DCUN1D1: variants seen among roughly 807,000 people sequenced by gnomAD.
The protein encoded by DCUN1D1 is DCN1-like protein 1.
Under a neutral mutation model 39.0 loss-of-function variants are expected in DCUN1D1, and 3 were observed. That is an observed-to-expected ratio of 0.08 (90% CI 0.04 to 0.20). DCUN1D1 has a LOEUF of 0.20. Ranked by LOEUF, DCUN1D1 falls within the 10% of genes least tolerant of loss-of-function variation. DCUN1D1 has a pLI of 1.00. For missense variants in DCUN1D1, 158 were observed against 302.4 expected (o/e 0.52, Z 3.54); for synonymous variants, 82 against 96.3 (o/e 0.85, Z 0.87).
chr3:182,974,774 A>AC (rs1242182281), intron 1 of DCUN1D1, among the ~76,000 whole-genome samples: 2 of 151,810 alleles, frequency 1.3e-5, no homozygotes, highest in South Asian at 2.1e-4. Flanking sequence ...AAAAAAAAAA[A>AC]AACTAAATCC....
At chr3:182,962,119 G>T (rs1477177655) in intron 3 of DCUN1D1, among the ~76,000 whole-genome samples, 1 of 152,056 alleles carries the variant, frequency 6.6e-6, no homozygotes, top group Non-Finnish European at 1.5e-5. Flanking sequence ...TGATTTGAAA[G>T]TTCATTACAT....
At position 182,939,810 on chromosome 3, in the gene DCUN1D1, A is replaced by G; in HGVS notation, c.*5284T>C. 6.6e-6 allele frequency: 1 copy of G among 152,292 alleles called. No homozygotes were observed. The highest frequency in any genetic ancestry group is 2.1e-4 in the South Asian group (1 of 4,822). The allele number at this position is 152,292 out of a possible 1,614,324, so 9.4% of individuals were successfully genotyped here. Reference sequence around the variant, plus strand: ...AAAAACAATTAATTGTACATGTACAATGGGTGAATTTTACAGTGTGTAAAT... The same window carrying G: ...AAAAACAATTAATTGTACATGTACAGTGGGTGAATTTTACAGTGTGTAAAT... On this transcript the variant is annotated 3_prime_UTR_variant, in exon 7 of 7. Coordinates refer to ENST00000292782, the MANE Select transcript of DCUN1D1 (RefSeq NM_020640.4).
At chr3:182,976,290 C>T (rs527965929) in intron 1 of DCUN1D1, among the ~76,000 whole-genome samples, 3 of 151,982 alleles carry the variant, frequency 2.0e-5, no homozygotes, top group African/African-American at 7.2e-5. Context: ...CAAGGTATAT[C>T]GTACCACTCA....
chr3:182,963,154 T>C (rs1449371141), intron 3 of DCUN1D1, among the ~76,000 whole-genome samples: 10 of 152,212 alleles, frequency 6.6e-5, no homozygotes. Context: ...ATGACTCTAA[T>C]ACTACCTAAT....
intron 4 of DCUN1D1, among the ~76,000 whole-genome samples, chr3:182,948,576 T>C (rs1210815855): frequency 6.6e-6 from 1 of 152,186 alleles, no homozygotes; most frequent in Non-Finnish European, 1.5e-5. Flanking sequence ...ACCATAGCAG[T>C]TAAGAAAGTG....
At chr3:182,953,034 G>A (rs1170894178) in intron 4 of DCUN1D1, among the ~76,000 whole-genome samples, 1 of 152,174 alleles carries the variant, frequency 6.6e-6, no homozygotes, top group Non-Finnish European at 1.5e-5. Context: ...GAACTCACTT[G>A]CAGTTCCTCA....
chr3:182,953,793 C>T (rs1726876451), intron 4 of DCUN1D1, among the ~76,000 whole-genome samples: 1 of 152,112 alleles, frequency 6.6e-6, no homozygotes, highest in Non-Finnish European at 1.5e-5. Context: ...GTCCTAATAA[C>T]AAGCTATTGC....
rs377162459 is a variant in DCUN1D1 at position 182,951,647 on chromosome 3, C to A, written c.521-4015G>T. On this transcript the variant is annotated intron_variant, in intron 4 of 6. Transcript: ENST00000292782. Reference sequence around the variant, plus strand: ...AAAAAAAAAAAAAAAAAAAAAAAAACCACCACACACAAAAGAAAGAAAGTT... The same window carrying A: ...AAAAAAAAAAAAAAAAAAAAAAAAAACACCACACACAAAAGAAAGAAAGTT... Among the ~76,000 whole-genome samples the A allele has an allele frequency of 9.6e-3, 1,013 of 105,112 alleles. 23 individuals carry two copies. The highest frequency in any genetic ancestry group is 0.022 in the African/African-American group (623 of 28,632). 69.0% of individuals were successfully genotyped at this position (105,112 alleles called of 152,430 possible). A position where few individuals can be genotyped will look rare whatever the true frequency, so the allele number is the denominator to read the frequency against.
At chr3:182,965,011 G>A (rs914808691) in intron 2 of DCUN1D1, among the ~76,000 whole-genome samples, 2 of 152,072 alleles carry the variant, frequency 1.3e-5, no homozygotes, top group Non-Finnish European at 2.9e-5. Flanking sequence ...TTTGACTTTG[G>A]AGCACAAGTT....
At chr3:182,949,653 C>T (rs1726605490) in intron 4 of DCUN1D1, among the ~76,000 whole-genome samples, 1 of 149,858 alleles carries the variant, frequency 6.7e-6, no homozygotes, top group South Asian at 2.1e-4. Context: ...CCCAGGAGAT[C>T]AAGGCTGCAG....
intron 6 of DCUN1D1, 127 bp from the exon 7 acceptor site, chr3:182,945,300 C>T (rs1672147288): frequency 1.5e-6 from 1 of 679,712 alleles, no homozygotes; most frequent in Non-Finnish European, 2.3e-6. Flanking sequence ...CTTATCTATT[C>T]CCACTGATTA....
At chr3:182,947,159 C>A in intron 6 of DCUN1D1, 79 bp downstream of exon 6, 7 of 718,574 alleles carry the variant, frequency 9.7e-6, no homozygotes, top group South Asian at 6.4e-5. Context: ...CCGAGAAAAA[C>A]AAAAGTACCT....
At position 182,943,158 on chromosome 3, in the gene DCUN1D1, AAC is replaced by A. The variant is rs1726220036; in HGVS notation, c.*1934_*1935del. 1 of 147,636 alleles carries A rather than the reference AAC, an allele frequency of 6.8e-6. No individual in the cohort carries two copies. The highest frequency in any genetic ancestry group is 1.5e-5 in the Non-Finnish European group (1 of 66,972). 9.1% of individuals were successfully genotyped at this position (147,636 alleles called of 1,614,324 possible). On this transcript the variant is annotated 3_prime_UTR_variant, in exon 7 of 7. Coordinates refer to ENST00000292782, the MANE Select transcript of DCUN1D1 (RefSeq NM_020640.4). ...AAAAGCTAATGGGATCTCATTTCAA[AAC>A]ACAGCATATGTGAATTAATCAATCT...
chr3:182,952,817 G>A (rs970338857), intron 4 of DCUN1D1, among the ~76,000 whole-genome samples: 2 of 152,132 alleles, frequency 1.3e-5, no homozygotes, highest in African/African-American at 4.8e-5. Flanking sequence ...CACTGGGAAG[G>A]CTTATGTTAG....
intron 4 of DCUN1D1, among the ~76,000 whole-genome samples, chr3:182,953,645 A>T (rs1726868898): frequency 6.6e-6 from 1 of 152,254 alleles, no homozygotes; most frequent in African/African-American, 2.4e-5. Context: ...TCTTACTATT[A>T]TCATTATTTT....
chr3:182,973,049 A>G (rs1488762592), intron 1 of DCUN1D1, among the ~76,000 whole-genome samples: 1 of 151,274 alleles, frequency 6.6e-6, no homozygotes, highest in East Asian at 1.9e-4. Flanking sequence ...TCTCAAAAAA[A>G]AAGGGGGGGG....
At chr3:182,947,376 A>C (rs1048420440) in intron 5 of DCUN1D1, 42 bp from the exon 6 acceptor site, 2 of 1,377,964 alleles carry the variant, frequency 1.5e-6, no homozygotes, top group South Asian at 2.5e-5. Context: ...TATCACTAAA[A>C]AGAGCTGCAC....
chr3:182,945,372 A>G (rs1726340124), intron 6 of DCUN1D1, among the ~76,000 whole-genome samples, 199 bp from the exon 7 acceptor site: 2 of 152,228 alleles, frequency 1.3e-5, no homozygotes, highest in South Asian at 4.1e-4. Flanking sequence ...ATTCCTTGTG[A>G]TTTATTACTC....
In DCUN1D1 at chr3:182,940,428, ATTC is replaced by A. The variant is rs1394112701; in HGVS notation, c.*4663_*4665del. Reference sequence around the variant, plus strand: ...TTTGTTTTTACGATGTGGGTTGAAAATTCTTCTTTTCAAAGCAGTGCTGCCTTC... The same window carrying A: ...TTTGTTTTTACGATGTGGGTTGAAAATTCTTTTCAAAGCAGTGCTGCCTTC... On this transcript the variant is annotated 3_prime_UTR_variant, in exon 7 of 7. Transcript: ENST00000292782. The A allele has an allele frequency of 6.6e-6, 1 of 152,112 alleles. No homozygotes were observed. Among genetic ancestry groups the A allele is most frequent in the East Asian group, 1.9e-4 (1 of 5,204 alleles). 9.4% of individuals were successfully genotyped at this position (152,112 alleles called of 1,614,324 possible). A position where few individuals can be genotyped will look rare whatever the true frequency, so the allele number is the denominator to read the frequency against.
Sources: allele counts gnomAD v4.1 joint callset (sites outside exome capture counted in the v4.1 genomes callset), GRCh38; gene constraint gnomAD v4.1.1; transcripts MANE v1.5; gene names NCBI Gene and HGNC (gene_info 2026-07-23, HGNC 2026-07-21).